FRMD4A: variants seen among roughly 807,000 people sequenced by gnomAD.
FRMD4A encodes the protein FERM domain containing 4A, also known as FERM domain-containing protein 4A.
Under a neutral mutation model 129.1 loss-of-function variants are expected in FRMD4A, and 29 were observed. The ratio of observed to expected loss-of-function variants is 0.22; its 90% CI spans 0.17 to 0.31. The LOEUF is 0.31. FRMD4A is among the 10% of genes least tolerant of loss of function. The probability of loss-of-function intolerance (pLI) is 1.00; values close to 1 mark genes in which losing one functional copy is unlikely to be tolerated. For missense variants in FRMD4A, 1,272 were observed against 1,375.8 expected (o/e 0.92, Z 1.19); for synonymous variants, 634 against 571.6 (o/e 1.11, Z -1.56).
intron 2 of FRMD4A, among the ~76,000 whole-genome samples, chr10:14,127,963 TTTCTTTCTTTCTTTCC>T (rs1448659178): frequency 0.026 from 876 of 34,252 alleles, 45 homozygotes; most frequent in African/African-American, 0.07. Context: ...TCTTTCTTTC[TTTCTTTCTTTCTTTCC>T]TTCTCTCTCT....
intron 2 of FRMD4A, among the ~76,000 whole-genome samples, chr10:14,258,542 G>T (rs1248468349): frequency 6.6e-6 from 1 of 152,184 alleles, no homozygotes; most frequent in Non-Finnish European, 1.5e-5. Flanking sequence ...TGAACAAACT[G>T]ATCATACCTA....
rs1841336183 is a variant in FRMD4A at position 14,169,016 on chromosome 10, T to G, written c.45+161042A>C. ...TTTTCCTGTTTGCACCCAACTGAGG[T>G]CAGTAGTTTAATAAATGCATCATAG... On this transcript the variant is annotated intron_variant, in intron 2 of 24. Coordinates refer to ENST00000357447, the MANE Select transcript of FRMD4A (RefSeq NM_018027.5). Among the ~76,000 whole-genome samples the G allele has an allele frequency of 2.0e-5, 3 of 152,212 alleles. No homozygotes were observed. The South Asian group carries it at 6.2e-4, about 32-fold the overall frequency.
intron 2 of FRMD4A, among the ~76,000 whole-genome samples, chr10:13,917,176 C>T (rs574997698): frequency 4.6e-5 from 7 of 152,040 alleles, no homozygotes; most frequent in South Asian, 2.1e-4. Context: ...GGGTGTGATT[C>T]GGATTGACAA....
chr10:13,748,897 G>C (rs2091426725), intron 8 of FRMD4A, among the ~76,000 whole-genome samples: 1 of 152,152 alleles, frequency 6.6e-6, no homozygotes. Flanking sequence ...TGTACCATTA[G>C]GCAGTTTTAT....
intron 2 of FRMD4A, among the ~76,000 whole-genome samples, chr10:13,953,624 A>G (rs760975889): frequency 3.9e-5 from 6 of 152,136 alleles, no homozygotes; most frequent in Non-Finnish European, 5.9e-5. Context: ...GACTGTCTTG[A>G]GGTCATAGTA....
At chr10:14,327,449 C>T (rs767645935) in intron 2 of FRMD4A, among the ~76,000 whole-genome samples, 30 of 152,202 alleles carry the variant, frequency 2.0e-4, no homozygotes, top group Non-Finnish European at 3.8e-4. Context: ...GGAACCTAGA[C>T]ATCAGAGAGC....
rs556999967 is a variant in FRMD4A, at chr10:14,268,836, A to T, written c.45+61222T>A. On this transcript the variant is annotated intron_variant, in intron 2 of 24. Transcript: ENST00000357447. ...TGAAAACTCCCAGGGAGCTAGGCTA[A>T]TTTTTCCAGAGTTTCTACGTATTTT... Among the ~76,000 whole-genome samples the T allele has an allele frequency of 5.9e-5, 9 of 152,326 alleles. No homozygotes were observed. The East Asian group carries it at 1.7e-3, about 29-fold the overall frequency.
intron 2 of FRMD4A, among the ~76,000 whole-genome samples, chr10:14,154,871 A>G (rs1473373697): frequency 6.6e-6 from 1 of 152,226 alleles, no homozygotes; most frequent in Admixed American, 6.5e-5. Context: ...TTTGTTACTA[A>G]GTAAATCTCT....
rs191188523 is a variant in FRMD4A at position 13,843,560 on chromosome 10, C to T, written c.111+15287G>A. Among the ~76,000 whole-genome samples, 67 of 152,276 alleles carry T rather than the reference C, an allele frequency of 4.4e-4. 1 individual carries two copies. Among genetic ancestry groups the T allele is most frequent in the African/African-American group, 1.6e-3 (65 of 41,552 alleles). Reference sequence around the variant, plus strand: ...TCACCCAGGCTGGAGTTCAGTGGCACGATCTTGGCTCACTGCAACCTCCGC... The same window carrying T: ...TCACCCAGGCTGGAGTTCAGTGGCATGATCTTGGCTCACTGCAACCTCCGC... On this transcript the variant is annotated intron_variant, in intron 3 of 24. Coordinates refer to ENST00000357447, the MANE Select transcript of FRMD4A (RefSeq NM_018027.5).
intron 2 of FRMD4A, among the ~76,000 whole-genome samples, chr10:14,011,953 G>A (rs1306884745): frequency 5.3e-5 from 8 of 151,184 alleles, no homozygotes; most frequent in African/African-American, 1.2e-4. Flanking sequence ...AGGTTGTAGC[G>A]AGCTGAGATT....
At chr10:14,080,121 G>T (rs1036114494) in intron 2 of FRMD4A, among the ~76,000 whole-genome samples, 20 of 152,132 alleles carry the variant, frequency 1.3e-4, no homozygotes, top group African/African-American at 3.9e-4. Context: ...AAGGAGAGGT[G>T]CCTGCAGCAA....
chr10:14,044,447 G>T (rs550538215), intron 2 of FRMD4A, among the ~76,000 whole-genome samples: 1 of 152,204 alleles, frequency 6.6e-6, no homozygotes, highest in South Asian at 2.1e-4. Context: ...GTTAACATGA[G>T]ATCATCCTGG....
chr10:13,777,038 A>G (rs572759407), intron 6 of FRMD4A, among the ~76,000 whole-genome samples: 13 of 152,370 alleles, frequency 8.5e-5, no homozygotes, highest in African/African-American at 3.1e-4. Flanking sequence ...TCCTTGCTCA[A>G]TTAGAGAGGA....
chr10:14,111,329 T>A (rs1588998238), intron 2 of FRMD4A, among the ~76,000 whole-genome samples: 2 of 152,128 alleles, frequency 1.3e-5, no homozygotes, highest in African/African-American at 4.8e-5. Flanking sequence ...TTCTGCTTTT[T>A]AAAATCATGA....
At chr10:13,971,555 G>A in intron 2 of FRMD4A, 1 of 606,752 alleles carries the variant, frequency 1.6e-6, no homozygotes, top group South Asian at 1.6e-5. Context: ...ACATGCTTCA[G>A]AGTCCCGAAC....
intron 2 of FRMD4A, among the ~76,000 whole-genome samples, chr10:14,153,676 G>A (rs1431124821): frequency 2.0e-5 from 3 of 152,164 alleles, no homozygotes; most frequent in East Asian, 1.9e-4. Context: ...GTCTCCATGC[G>A]CCTGCTCCCC....
At chr10:14,119,817 C>A (rs961658383) in intron 2 of FRMD4A, among the ~76,000 whole-genome samples, 1 of 152,106 alleles carries the variant, frequency 6.6e-6, no homozygotes, top group Non-Finnish European at 1.5e-5. Context: ...CATGGCCAAG[C>A]AAGGCTGAGG....
At chr10:14,265,820 G>A (rs1385840474) in intron 2 of FRMD4A, among the ~76,000 whole-genome samples, 5 of 152,188 alleles carry the variant, frequency 3.3e-5, no homozygotes, top group Non-Finnish European at 5.9e-5. Context: ...TGTATGTACT[G>A]TTGGTTGCCA....
chr10:13,740,143 T>C, intron 11 of FRMD4A, 51 bp downstream of exon 11: 1 of 976,664 alleles, frequency 1.0e-6, no homozygotes, highest in South Asian at 1.3e-5. Context: ...GATGTTTTGA[T>C]TTGTTTGCTT....
Sources: allele counts gnomAD v4.1 joint callset (sites outside exome capture counted in the v4.1 genomes callset), GRCh38; gene constraint gnomAD v4.1.1; transcripts MANE v1.5; gene names NCBI Gene and HGNC (gene_info 2026-07-23, HGNC 2026-07-21).